Variants in STK39 observed in about 807,000 individuals in gnomAD.
STK39 encodes the protein STE20/SPS1-related proline-alanine-rich protein kinase.
STK39 carries 20 observed loss-of-function variants against 77.8 expected under a neutral mutation model. The observed-to-expected ratio is 0.26, with a 90% CI of 0.18 to 0.37. The LOEUF is 0.37. Among genes scored for constraint, STK39 ranks in the 10% least tolerant of loss-of-function variants. The probability of loss-of-function intolerance (pLI) is 1.00; values close to 1 mark genes in which losing one functional copy is unlikely to be tolerated. For missense variants in STK39, 479 were observed against 656.5 expected (o/e 0.73, Z 2.95); for synonymous variants, 246 against 234.1 (o/e 1.05, Z -0.47).
intron 10 of STK39, among the ~76,000 whole-genome samples, chr2:168,126,245 G>A (rs1408791583): frequency 6.6e-6 from 1 of 152,116 alleles, no homozygotes; most frequent in African/African-American, 2.4e-5. Context: ...AGTAGCCTCT[G>A]AGGAGCAATC....
intron 14 of STK39, among the ~76,000 whole-genome samples, chr2:168,021,389 T>C (rs539047290): frequency 1.3e-5 from 2 of 152,332 alleles, no homozygotes; most frequent in Non-Finnish European, 1.5e-5. Flanking sequence ...TTGTGAGTAG[T>C]AGACTTGTCC....
intron 16 of STK39, among the ~76,000 whole-genome samples, chr2:167,970,435 G>C (rs1574354152): frequency 6.6e-6 from 1 of 152,024 alleles, no homozygotes; most frequent in East Asian, 1.9e-4. Flanking sequence ...CACCGTATTT[G>C]GTAAATATCC....
intron 10 of STK39, among the ~76,000 whole-genome samples, chr2:168,118,741 CACAG>C (rs1687325620): frequency 6.6e-6 from 1 of 152,080 alleles, no homozygotes; most frequent in South Asian, 2.1e-4. Context: ...CCAGTCAAGC[CACAG>C]ACACAGAGCA....
intron 8 of STK39, among the ~76,000 whole-genome samples, chr2:168,135,992 T>TTC: frequency 6.6e-6 from 1 of 151,994 alleles, no homozygotes. Flanking sequence ...AAAGGATTTT[T>TTC]TTTTTTTTTG....
intron 16 of STK39, among the ~76,000 whole-genome samples, chr2:167,968,718 CAAAG>C: frequency 6.6e-6 from 1 of 152,102 alleles, no homozygotes; most frequent in Non-Finnish European, 1.5e-5. Flanking sequence ...CATGAGATTG[CAAAG>C]AAAGAGACAA....
chr2:167,969,814 A>C (rs1248183599), intron 16 of STK39, among the ~76,000 whole-genome samples: 1 of 152,112 alleles, frequency 6.6e-6, no homozygotes, highest in African/African-American at 2.4e-5. Context: ...GGCTTCTAAC[A>C]TGTAGGCAGA....
intron 2 of STK39, among the ~76,000 whole-genome samples, chr2:168,170,168 C>T (rs1688788980): frequency 6.6e-6 from 1 of 152,174 alleles, no homozygotes; most frequent in African/African-American, 2.4e-5. Context: ...TTCCACAAAA[C>T]TATCCCCTCC....
At chr2:168,054,983 T>C (rs1290602649) in intron 14 of STK39, among the ~76,000 whole-genome samples, 1 of 152,228 alleles carries the variant, frequency 6.6e-6, no homozygotes, top group Non-Finnish European at 1.5e-5. Context: ...TCCGCCTACA[T>C]GGTAAGCTCT....
At chr2:167,990,849 T>C (rs1683683205) in intron 16 of STK39, among the ~76,000 whole-genome samples, 1 of 152,218 alleles carries the variant, frequency 6.6e-6, no homozygotes. Flanking sequence ...TGGAGCTTAG[T>C]CCTGTGATAG....
At chr2:168,154,820 A>T (rs1195433152) in intron 5 of STK39, among the ~76,000 whole-genome samples, 1 of 152,200 alleles carries the variant, frequency 6.6e-6, no homozygotes, top group South Asian at 2.1e-4. Flanking sequence ...ACCACTGAGG[A>T]TACACTGAAA....
intron 10 of STK39, among the ~76,000 whole-genome samples, chr2:168,115,688 T>C (rs1687240144): frequency 6.6e-6 from 1 of 152,204 alleles, no homozygotes; most frequent in South Asian, 2.1e-4. Flanking sequence ...AAATTGCAGG[T>C]AGATTGCAGG....
chr2:168,114,233 G>A (rs1231857565), intron 10 of STK39, among the ~76,000 whole-genome samples: 1 of 152,188 alleles, frequency 6.6e-6, no homozygotes, highest in African/African-American at 2.4e-5. Flanking sequence ...GTGCTCTACA[G>A]AGACAGGAAG....
chr2:168,224,284 T>C (rs1276641241), intron 1 of STK39, among the ~76,000 whole-genome samples: 2 of 152,048 alleles, frequency 1.3e-5, no homozygotes, highest in African/African-American at 4.8e-5. Context: ...TATACATACA[T>C]ATGTACTGAT....
intron 10 of STK39, among the ~76,000 whole-genome samples, chr2:168,120,428 G>A (rs1205714944): frequency 6.6e-6 from 1 of 152,124 alleles, no homozygotes; most frequent in Non-Finnish European, 1.5e-5. Flanking sequence ...AGTTTTGCAT[G>A]TCTTGTGACG....
intron 16 of STK39, among the ~76,000 whole-genome samples, chr2:168,001,551 C>A (rs1022016391): frequency 8.6e-5 from 13 of 151,790 alleles, no homozygotes; most frequent in Non-Finnish European, 1.3e-4. Context: ...ATATAAGATG[C>A]AGGATCAAAT....
At chr2:168,057,800 T>C (rs1010400841) in intron 14 of STK39, among the ~76,000 whole-genome samples, 10 of 152,198 alleles carry the variant, frequency 6.6e-5, no homozygotes, top group African/African-American at 2.4e-4. Flanking sequence ...CCAGGCAAGG[T>C]ACAGTCTCCT....
At chr2:168,074,161 A>G (rs1309941393) in intron 12 of STK39, among the ~76,000 whole-genome samples, 2 of 152,172 alleles carry the variant, frequency 1.3e-5, no homozygotes, top group Non-Finnish European at 2.9e-5. Context: ...TGCCACTTCA[A>G]ACTCCATGAT....
chr2:168,178,048 A>T (rs10200834), intron 2 of STK39, among the ~76,000 whole-genome samples: 16,041 of 152,136 alleles, frequency 0.11, 1,589 homozygotes, highest in East Asian at 0.31. Context: ...CCATCACCAA[A>T]GTCAGTGCCT....
chr2:168,195,446 T>A (rs528646486), intron 1 of STK39, among the ~76,000 whole-genome samples: 2 of 152,258 alleles, frequency 1.3e-5, no homozygotes, highest in South Asian at 4.1e-4. Context: ...ATTTGCCTCA[T>A]TTGCTGCCAA....
Sources: allele counts gnomAD v4.1 joint callset (sites outside exome capture counted in the v4.1 genomes callset), GRCh38; gene constraint gnomAD v4.1.1; transcripts MANE v1.5; gene names NCBI Gene and HGNC (gene_info 2026-07-23, HGNC 2026-07-21).